The following CYP3A5 variants were observed in gnomAD, a reference collection of about 807,000 sequenced individuals.
CYP3A5 encodes cytochrome P450 family 3 subfamily A member 5.
Under a neutral mutation model 55.9 loss-of-function variants are expected in CYP3A5, and 51 were observed. The ratio of observed to expected loss-of-function variants is 0.91; its 90% CI spans 0.73 to 1.15. The LOEUF (loss-of-function observed/expected upper bound fraction) is 1.15. CYP3A5 is among the 50% of genes most tolerant of loss of function. The pLI is 0.00. For synonymous variants in CYP3A5, 196 were observed against 213.9 expected, an observed-to-expected ratio of 0.92 and a Z score of 0.73; for missense variants, 533 against 596.6, an observed-to-expected ratio of 0.89 and a Z score of 1.11.
At chr7:99,658,624 G>T (rs562074781) in intron 10 of CYP3A5, among the ~76,000 whole-genome samples, 7 of 152,248 alleles carry the variant, frequency 4.6e-5, no homozygotes, top group Middle Eastern at 3.4e-3. Flanking sequence ...TTTGAATGTT[G>T]GCCTGCCTTG....
In CYP3A5 at chr7:99,662,885, A is replaced by T; in HGVS notation, c.799-3T>A. ...AGCTGAAGGAAATCTAGTCGGTGCTAGAAGCAAAAGGAGAGATTTCTTTGG... is the reference window on the plus strand; with the variant it reads ...AGCTGAAGGAAATCTAGTCGGTGCTTGAAGCAAAAGGAGAGATTTCTTTGG... On this transcript the variant is annotated splice_region_variant and splice_polypyrimidine_tract_variant and intron_variant, in intron 8 of 12. Coordinates refer to ENST00000222982, the MANE Select transcript of CYP3A5 (RefSeq NM_000777.5). This position sits in a 1 kb window ranked among gnomAD's most constrained non-coding sequence, Gnocchi z 4.3. The T allele has an allele frequency of 6.2e-7, 1 of 1,613,728 alleles. No individual in the cohort carries two copies. The highest frequency in any genetic ancestry group is 8.5e-7 in the Non-Finnish European group (1 of 1,179,738).
chr7:99,665,252 G>A lies in CYP3A5; in HGVS notation c.584C>T (p.Ser195Phe), dbSNP rs979438885. The A allele has an allele frequency of 1.2e-6, 2 of 1,614,074 alleles. No individual in the cohort carries two copies. The highest frequency in any genetic ancestry group is 1.7e-6 in the Non-Finnish European group (2 of 1,180,026). Residue 195 changes from serine to phenylalanine, a missense_variant, in exon 7 of 13, where the codon TCT becomes TTT. Ser to Phe is a radical substitution (Grantham distance 155, BLOSUM62 -2). Coordinates refer to ENST00000222982, the MANE Select transcript of CYP3A5 (RefSeq NM_000777.5). ...AAAGGGGTCTTGTGGATTGTTGAGA[G>A]AGTCGATGTTCACTCCAAATGATGT... ...TGTSFGVNID[S>F]LNNPQDPFVE...
intron 11 of CYP3A5, among the ~76,000 whole-genome samples, chr7:99,651,492 CAT>C (rs1809186021): frequency 6.6e-6 from 1 of 152,060 alleles, no homozygotes; most frequent in South Asian, 2.1e-4. Context: ...TTGCAGGAAA[CAT>C]AGAAGTCCTC....
intron 2 of CYP3A5, among the ~76,000 whole-genome samples, chr7:99,675,601 T>C: frequency 9.1e-6 from 1 of 110,310 alleles, no homozygotes; most frequent in African/African-American, 3.3e-5. Context: ...CACCTTTTCC[T>C]CTCCTCTCCT....
rs1401028894 is a variant in CYP3A5, at chr7:99,676,194, G to A, written c.86C>T (p.Thr29Ile). 2 of 1,612,788 alleles carry A rather than the reference G, an allele frequency of 1.2e-6. No homozygotes were observed. Among genetic ancestry groups the A allele is most frequent in the South Asian group, 1.1e-5 (1 of 91,050 alleles). Residue 29 changes from threonine (T) to isoleucine (I), a missense_variant, in exon 2 of 13, where the codon ACA becomes ATA. Physicochemically the swap from Thr to Ile is moderately conservative, Grantham distance 89 (BLOSUM62 -1). Transcript: ENST00000222982. ...LVLLYLYGTR[T>I]HGLFKRLGIP... ...TCCCAGTCTCTTAAAAAGTCCATGTGTACGGGTCCCATATCTACAAAGTGA... is the reference window on the plus strand; with the variant it reads ...TCCCAGTCTCTTAAAAAGTCCATGTATACGGGTCCCATATCTACAAAGTGA...
chr7:99,661,994 AAAT>A (rs1810493201), intron 9 of CYP3A5, among the ~76,000 whole-genome samples: 1 of 152,262 alleles, frequency 6.6e-6, no homozygotes, highest in Admixed American at 6.5e-5. Flanking sequence ...TGAAACAGTG[AAAT>A]GATAGACTAT....
At chr7:99,649,023 A>T (rs1808895892) in intron 12 of CYP3A5, among the ~76,000 whole-genome samples, 1 of 152,194 alleles carries the variant, frequency 6.6e-6, no homozygotes, top group Non-Finnish European at 1.5e-5. Context: ...CACTATTGTC[A>T]CTGAGTCACC....
At chr7:99,678,605 T>C (rs1812519600) in intron 1 of CYP3A5, among the ~76,000 whole-genome samples, 2 of 152,240 alleles carry the variant, frequency 1.3e-5, no homozygotes, top group African/African-American at 4.8e-5. Context: ...TCACAAATAC[T>C]GAACTAACAG....
intron 1 of CYP3A5, chr7:99,677,083 G>A (rs151026015): frequency 8.8e-6 from 6 of 681,124 alleles, no homozygotes; most frequent in Non-Finnish European, 9.1e-6. Flanking sequence ...GCCTCTGTAC[G>A]TGAAGTATCT....
intron 11 of CYP3A5, among the ~76,000 whole-genome samples, chr7:99,651,277 C>G (rs141233582): frequency 6.6e-6 from 1 of 151,988 alleles, no homozygotes. Flanking sequence ...CACACATATA[C>G]GTATATATCA....
chr7:99,648,235 C>G lies in CYP3A5; in HGVS notation c.*70G>C, dbSNP rs1358731351. The G allele has an allele frequency of 6.4e-7, 1 of 1,562,274 alleles. No homozygotes were observed. Among genetic ancestry groups the G allele is most frequent in the Admixed American group, 1.9e-5 (1 of 51,546 alleles). On this transcript the variant is annotated 3_prime_UTR_variant, in exon 13 of 13. Transcript: ENST00000222982. The stretch of plus-strand genomic sequence containing the variant: ...CATCTTTATTTCAAGGTTTTATTGA[C>G]TAAGTTGAAATCTCTGGTGTTCTGG...
chr7:99,677,887 T>C (rs536808029), intron 1 of CYP3A5, among the ~76,000 whole-genome samples: 8 of 152,164 alleles, frequency 5.3e-5, no homozygotes, highest in South Asian at 4.1e-4. Flanking sequence ...GTCAGCAGCA[T>C]TGGCCCCCAA....
chr7:99,676,236 C>A (rs1195547169), intron 1 of CYP3A5, 28 bp from the exon 2 acceptor site: 1 of 1,612,612 alleles, frequency 6.2e-7, no homozygotes, highest in South Asian at 1.1e-5. Flanking sequence ...AATCAGGTCA[C>A]AGGGATTGTG....
intron 8 of CYP3A5, 75 bp downstream of exon 8, chr7:99,663,891 TAC>T: frequency 6.7e-7 from 1 of 1,485,630 alleles, no homozygotes; most frequent in East Asian, 2.5e-5. Context: ...AAAATACAGA[TAC>T]ATGCTCTATC....
At position 99,672,633 on chromosome 7, in the gene CYP3A5, C is replaced by T. The variant is rs755699295; in HGVS notation, c.265G>A (p.Val89Met). 8.1e-6 allele frequency: 13 copies of T among 1,613,976 alleles called. No individual in the cohort carries two copies. Among genetic ancestry groups the T allele is most frequent in the South Asian group, 5.5e-5 (5 of 91,084 alleles). ...TCTTTCACTAGCACTGTTCTGATCA[C>T]GTCGGGATCTGTGATGGCCAGCACA... ...LPVLAITDPD[V>M]IRTVLVKECY... is the part of the protein sequence containing the mutation. The change falls in exon 4 of 13, where the codon GTG becomes ATG. Residue 89 changes from valine to methionine, a missense_variant. Transcript: ENST00000222982.
chr7:99,675,339 A>G (rs915727396), intron 2 of CYP3A5, among the ~76,000 whole-genome samples: 7 of 152,206 alleles, frequency 4.6e-5, no homozygotes, highest in African/African-American at 1.7e-4. Context: ...TTGATCTACT[A>G]CAAGAGTTGA....
At chr7:99,658,514 A>AT (rs1381560736) in intron 10 of CYP3A5, among the ~76,000 whole-genome samples, 1 of 151,616 alleles carries the variant, frequency 6.6e-6, no homozygotes, top group Non-Finnish European at 1.5e-5. Context: ...TGCCCTTAAC[A>AT]TTTTTTCCTT....
At chr7:99,663,532 C>A in intron 8 of CYP3A5, 2 of 992,428 alleles carry the variant, frequency 2.0e-6, no homozygotes, top group South Asian at 4.6e-5. Flanking sequence ...CACTACATGT[C>A]AGCAGTCGGC....
At chr7:99,663,294 A>T in intron 8 of CYP3A5, 3 of 995,080 alleles carry the variant, frequency 3.0e-6, no homozygotes, top group East Asian at 1.1e-4. Flanking sequence ...TCCAGAACTC[A>T]TCAGCAGCTT....
Sources: allele counts gnomAD v4.1 joint callset (sites outside exome capture counted in the v4.1 genomes callset), GRCh38; gene constraint gnomAD v4.1.1; non-coding constraint Gnocchi (gnomAD v3.1); transcripts MANE v1.5; gene names NCBI Gene and HGNC (gene_info 2026-07-23, HGNC 2026-07-21).